The following TTC32 variants were observed in gnomAD, a reference collection of about 807,000 sequenced individuals.
TTC32 encodes tetratricopeptide repeat domain 32.
In TTC32, 16 loss-of-function variants were observed where a neutral mutation model predicts 15.3. The observed-to-expected ratio is 1.05, with a 90% CI of 0.71 to 1.59. The LOEUF is 1.59. Ranked by LOEUF, TTC32 falls within the 40% of genes most tolerant of loss-of-function variation. The pLI is 0.00. For synonymous variants in TTC32, 89 were observed against 67.8 expected (o/e 1.31, Z -1.53); for missense variants, 188 against 181.9 (o/e 1.03, Z -0.19).
At position 19,896,955 on chromosome 2, in the gene TTC32, C is replaced by A. The variant is rs753173281; in HGVS notation, c.*32G>T. The A allele has an allele frequency of 5.2e-6, 8 of 1,530,406 alleles. No individual in the cohort carries two copies. The highest frequency in any genetic ancestry group is 7.1e-6 in the Non-Finnish European group (8 of 1,126,576). 94.8% of individuals were successfully genotyped at this position (1,530,406 alleles called of 1,614,324 possible). A position where few individuals can be genotyped will look rare whatever the true frequency, so the allele number is the denominator to read the frequency against. ...GATAACTAGATGCAGATGTAAGGATCATGAATCAATACTTCCATTAAGTTA... is the reference window on the plus strand; with the variant it reads ...GATAACTAGATGCAGATGTAAGGATAATGAATCAATACTTCCATTAAGTTA... On this transcript the variant is annotated 3_prime_UTR_variant, in exon 3 of 3. Coordinates refer to ENST00000333610, the MANE Select transcript of TTC32 (RefSeq NM_001008237.3).
chr2:19,898,078 T>C (rs766712388), intron 1 of TTC32, 43 bp from the exon 2 acceptor site: 51 of 1,431,602 alleles, frequency 3.6e-5, no homozygotes, highest in Non-Finnish European at 4.8e-5. Context: ...TGTTACCAAA[T>C]TCCTCTCATT....
chr2:19,899,404 G>C lies in TTC32; in HGVS notation c.150-1369C>G, dbSNP rs145885858. On this transcript the variant is annotated intron_variant, in intron 1 of 2. Coordinates refer to ENST00000333610, the MANE Select transcript of TTC32 (RefSeq NM_001008237.3). ...ATTAAATCGAAGTTTCAAAATTATTGTTATAAGTTTTTAATACTAATTATA... is the reference window on the plus strand; with the variant it reads ...ATTAAATCGAAGTTTCAAAATTATTCTTATAAGTTTTTAATACTAATTATA... Among the ~76,000 whole-genome samples the C allele has an allele frequency of 3.9e-5, 6 of 152,162 alleles. No homozygotes were observed. The South Asian group carries it at 1.0e-3, about 26-fold the overall frequency.
In TTC32 at chr2:19,901,902, G is replaced by A. The variant is rs1669614795; in HGVS notation, c.-48C>T. 2 of 1,607,506 alleles carry A rather than the reference G, an allele frequency of 1.2e-6. No individual in the cohort carries two copies. The highest frequency in any genetic ancestry group is 1.7e-6 in the Non-Finnish European group (2 of 1,175,872). On this transcript the variant is annotated 5_prime_UTR_variant, in exon 1 of 3. Coordinates refer to ENST00000333610, the MANE Select transcript of TTC32 (RefSeq NM_001008237.3). The stretch of plus-strand genomic sequence containing the variant: ...GTGTAGAATGGGGGTTGACCTCCGA[G>A]CGGTTAGAGGTGGCACCACAAAGCC...
At chr2:19,901,059 C>G (rs755022151) in intron 1 of TTC32, 5 of 471,128 alleles carry the variant, frequency 1.1e-5, no homozygotes, top group Non-Finnish European at 2.2e-5. Flanking sequence ...GGTTCCAACA[C>G]TGACGACTTG....
At chr2:19,900,730 G>A (rs1021705942) in intron 1 of TTC32, among the ~76,000 whole-genome samples, 2 of 152,202 alleles carry the variant, frequency 1.3e-5, no homozygotes, top group African/African-American at 4.8e-5. Flanking sequence ...GAATCGTTAT[G>A]TGCTTCCTGG....
At chr2:19,900,943 A>G (rs2103368008) in intron 1 of TTC32, 6 of 341,636 alleles carry the variant, frequency 1.8e-5, no homozygotes, top group South Asian at 1.1e-4. Context: ...ACAAATAAAG[A>G]GGGGAAGGTG....
chr2:19,898,177 G>A (rs922481613), intron 1 of TTC32, 142 bp from the exon 2 acceptor site: 58 of 744,542 alleles, frequency 7.8e-5, no homozygotes, highest in Non-Finnish European at 9.4e-5. Context: ...AAGAAAAAAC[G>A]TACAAATAAA....
chr2:19,897,014 T>C lies in TTC32; in HGVS notation c.429A>G (p.Gln143=). The C allele has an allele frequency of 6.3e-7, 1 of 1,585,966 alleles. No individual in the cohort carries two copies. The change falls in exon 3 of 3, where the codon CAA becomes CAG. Residue 143 remains glutamine, a synonymous_variant. Coordinates refer to ENST00000333610, the MANE Select transcript of TTC32 (RefSeq NM_001008237.3). ...AATAATTTTTTGCAACATTTCTTCT[T>C]TGTTTTTCTTCTTTGTCTAGAATAG... ...KQTILDKEEK[Q]RRNVAKNY
chr2:19,900,931 C>T (rs1669590882), intron 1 of TTC32: 2 of 331,102 alleles, frequency 6.0e-6, no homozygotes, highest in South Asian at 2.3e-5. Context: ...TCGGTTTCCT[C>T]AACAAATAAA....
chr2:19,901,030 C>T (rs1219698035), intron 1 of TTC32: 2 of 468,738 alleles, frequency 4.3e-6, no homozygotes, highest in Non-Finnish European at 8.8e-6. Context: ...AACAAAACAC[C>T]TTATTAGTCG....
intron 1 of TTC32, 109 bp downstream of exon 1, chr2:19,901,597 G>A: frequency 2.8e-6 from 4 of 1,438,238 alleles, no homozygotes; most frequent in Non-Finnish European, 3.7e-6. Flanking sequence ...CTAGTGCTGG[G>A]TTATGACAAG....
Position 19,897,131 on chromosome 2 carries a change from A to C in TTC32, c.317-5T>G. ...CCAAAGCATCATCAAAATATCCTGT[A>C]CCAGAACCCAAAAAATGGAAAAGAG... is the stretch of plus-strand genomic sequence containing the variant. On this transcript the variant is annotated splice_polypyrimidine_tract_variant and splice_region_variant and intron_variant, in intron 2 of 2. Coordinates refer to ENST00000333610, the MANE Select transcript of TTC32 (RefSeq NM_001008237.3). The C allele has an allele frequency of 6.3e-7, 1 of 1,577,060 alleles. No individual in the cohort carries two copies. The highest frequency in any genetic ancestry group is 8.5e-7 in the Non-Finnish European group (1 of 1,169,818).
In TTC32 at chr2:19,901,805, G is replaced by T. The variant is rs748980235; in HGVS notation, c.50C>A (p.Ala17Asp). The change falls in exon 1 of 3, where the codon GCT becomes GAT. Residue 17 changes from alanine (A) to aspartate (D), a missense_variant. Ala to Asp is a moderately radical substitution (Grantham distance 126, BLOSUM62 -2). Coordinates refer to ENST00000333610, the MANE Select transcript of TTC32 (RefSeq NM_001008237.3). ...CGCGTACTCTCCATTGTTGAAATGAGCCTGGGCGAGTGTTAGGGTTGCGTG... is the reference window on the plus strand; with the variant it reads ...CGCGTACTCTCCATTGTTGAAATGATCCTGGGCGAGTGTTAGGGTTGCGTG... ...ESHATLTLAQ[A>D]HFNNGEYAEA... is the part of the protein sequence containing the mutation. 1.9e-6 allele frequency: 3 copies of T among 1,614,214 alleles called. No individual in the cohort carries two copies. The highest frequency in any genetic ancestry group is 1.6e-4 in the Middle Eastern group (1 of 6,062).
At chr2:19,897,440 G>T (rs1438269657) in intron 2 of TTC32, among the ~76,000 whole-genome samples, 1 of 152,104 alleles carries the variant, frequency 6.6e-6, no homozygotes, top group African/African-American at 2.4e-5. Flanking sequence ...GTAAAATTAA[G>T]AAACGGGAAC....
At chr2:19,901,270 G>T (rs1028455522) in intron 1 of TTC32, 3 of 323,208 alleles carry the variant, frequency 9.3e-6, no homozygotes, top group Non-Finnish European at 1.8e-5. Context: ...TGGGAGTCGC[G>T]GTACTGTGGC....
chr2:19,900,245 G>C (rs947654078), intron 1 of TTC32, among the ~76,000 whole-genome samples: 1 of 152,206 alleles, frequency 6.6e-6, no homozygotes, highest in Admixed American at 6.5e-5. Context: ...TACTCTTAGA[G>C]CTTGAAACAT....
rs770301646 is a variant in TTC32, at chr2:19,898,047, A to C, written c.150-12T>G. ...CAGGGCTGCATTTGCTTTAAACAAA[A>C]AGTTCACATTAAAAACACCGTGTTA... On this transcript the variant is annotated splice_polypyrimidine_tract_variant and intron_variant, in intron 1 of 2. Transcript: ENST00000333610. 1.8e-5 allele frequency: 26 copies of C among 1,482,720 alleles called. No individual in the cohort carries two copies. In the African/African-American group the frequency reaches 3.1e-4, roughly 18 times the overall value. The allele number at this position is 1,482,720 out of a possible 1,614,324, so 91.8% of individuals were successfully genotyped here. A position where few individuals can be genotyped will look rare whatever the true frequency, so the allele number is the denominator to read the frequency against.
intron 2 of TTC32, among the ~76,000 whole-genome samples, chr2:19,897,423 AATT>A (rs1191713277): frequency 6.6e-6 from 1 of 152,226 alleles, no homozygotes; most frequent in Non-Finnish European, 1.5e-5. Flanking sequence ...TGTTTTACAT[AATT>A]GCAGTAAAAT....
In TTC32 at chr2:19,897,012, CTTT is replaced by C. The variant is rs748171589; in HGVS notation, c.428_430del (p.Gln143del). The C allele has an allele frequency of 5.2e-5, 82 of 1,583,284 alleles. No individual in the cohort carries two copies. The highest frequency in any genetic ancestry group is 1.4e-4 in the East Asian group (6 of 43,582). ...TCAATAATTTTTTGCAACATTTCTT[CTTT>C]GTTTTTCTTCTTTGTCTAGAATAGT... On this transcript the variant is annotated inframe_deletion, in exon 3 of 3. Transcript: ENST00000333610.
Sources: allele counts gnomAD v4.1 joint callset (sites outside exome capture counted in the v4.1 genomes callset), GRCh38; gene constraint gnomAD v4.1.1; transcripts MANE v1.5; gene names NCBI Gene and HGNC (gene_info 2026-07-23, HGNC 2026-07-21).